The following PNOC variants were observed in gnomAD, a reference collection of about 807,000 sequenced individuals.
PNOC encodes the protein nociceptin.
Under a neutral mutation model 15.6 loss-of-function variants are expected in PNOC, and 10 were observed. The observed-to-expected ratio is 0.64, with a 90% CI of 0.40 to 1.09. The LOEUF is 1.09. Among genes scored for constraint, PNOC ranks in the 50% least tolerant of loss-of-function variants. The pLI, the probability that PNOC is intolerant of heterozygous loss-of-function variation, is 0.01. For missense variants in PNOC, 220 were observed against 223.9 expected (o/e 0.98, Z 0.11); for synonymous variants, 98 against 88.5 (o/e 1.11, Z -0.60).
rs1801470002 is a variant in PNOC, at chr8:28,339,265, G to T, written c.352G>T (p.Ala118Ser). The T allele has an allele frequency of 3.1e-6, 5 of 1,608,502 alleles. No homozygotes were observed. The highest frequency in any genetic ancestry group is 8.5e-7 in the Non-Finnish European group (1 of 1,175,348). The change falls in exon 3 of 4, where the codon GCT becomes TCT. Residue 118 changes from alanine to serine, a missense_variant. By Grantham distance (99) the Ala-to-Ser change is moderately conservative. Transcript: ENST00000301908. Reference protein sequence around the residue: ...QEEPEPGMEEAGEMEQKQLQK... With the variant: ...QEEPEPGMEESGEMEQKQLQK... ...AGAGCCCGAGCCTGGCATGGAGGAG[G>T]CTGGTGAGATGGAGCAGAAGCAGCT...
intron 1 of PNOC, among the ~76,000 whole-genome samples, chr8:28,322,205 G>A (rs547015747): frequency 3.9e-4 from 59 of 152,074 alleles, no homozygotes; most frequent in African/African-American, 1.2e-3. Context: ...ACTGACCAAC[G>A]TGGTGAAACC....
chr8:28,342,578 G>T (rs1801541724), intron 3 of PNOC, among the ~76,000 whole-genome samples: 1 of 152,114 alleles, frequency 6.6e-6, no homozygotes, highest in African/African-American at 2.4e-5. Flanking sequence ...TTCGTGGTCA[G>T]GTTATCAGTG....
intron 2 of PNOC, among the ~76,000 whole-genome samples, chr8:28,330,381 A>ATT (rs1801302142): frequency 1.6e-5 from 1 of 62,852 alleles, no homozygotes; most frequent in African/African-American, 4.4e-5. Context: ...ATTTTATTTT[A>ATT]TTTTATTTTA....
chr8:28,337,354 G>A (rs1801428070), intron 2 of PNOC, among the ~76,000 whole-genome samples: 1 of 152,178 alleles, frequency 6.6e-6, no homozygotes. Context: ...CCAGGCTGGA[G>A]TGCAGTGACA....
At chr8:28,325,912 G>T (rs1332035839) in intron 1 of PNOC, among the ~76,000 whole-genome samples, 3 of 152,176 alleles carry the variant, frequency 2.0e-5, no homozygotes, top group Non-Finnish European at 4.4e-5. Context: ...GACTAATTAG[G>T]AGGCTATTAC....
intron 2 of PNOC, among the ~76,000 whole-genome samples, chr8:28,338,435 G>C (rs1002008762): frequency 6.6e-6 from 1 of 152,084 alleles, no homozygotes; most frequent in East Asian, 1.9e-4. Flanking sequence ...GTTCAGCCCC[G>C]CACGTCCAGC....
chr8:28,324,570 T>C (rs1370766767), intron 1 of PNOC, among the ~76,000 whole-genome samples: 1 of 152,176 alleles, frequency 6.6e-6, no homozygotes, highest in Non-Finnish European at 1.5e-5. Context: ...CTTAGTAGAA[T>C]GAGAAATGTA....
chr8:28,340,597 A>G (rs937530238), intron 3 of PNOC, among the ~76,000 whole-genome samples: 6 of 152,230 alleles, frequency 3.9e-5, no homozygotes, highest in African/African-American at 1.4e-4. Context: ...TGCCATATTC[A>G]TCCATTTTGC....
intron 2 of PNOC, among the ~76,000 whole-genome samples, chr8:28,334,242 T>G: frequency 6.6e-6 from 1 of 152,196 alleles, no homozygotes; most frequent in East Asian, 1.9e-4. Context: ...GCTGGTTTTC[T>G]TCCAAGTATT....
At chr8:28,331,970 A>T (rs182583213) in intron 2 of PNOC, among the ~76,000 whole-genome samples, 1 of 152,378 alleles carries the variant, frequency 6.6e-6, no homozygotes, top group Admixed American at 6.5e-5. Context: ...CATCTGCTGC[A>T]GTCTCTGTAA....
At chr8:28,331,875 T>C (rs1283747237) in intron 2 of PNOC, among the ~76,000 whole-genome samples, 2 of 152,202 alleles carry the variant, frequency 1.3e-5, no homozygotes, top group Non-Finnish European at 2.9e-5. Context: ...CTCAGCACAG[T>C]GTGTGGCACA....
intron 2 of PNOC, among the ~76,000 whole-genome samples, chr8:28,337,308 T>C (rs906673821): frequency 1.5e-5 from 2 of 129,466 alleles, no homozygotes; most frequent in Non-Finnish European, 3.8e-5. Flanking sequence ...CCCGATCACC[T>C]TTTTTTTCTT....
Position 28,330,396 on chromosome 8 carries a change from A to ATT in PNOC, c.126+1128_126+1129dup, listed in dbSNP as rs67554549. Among the ~76,000 whole-genome samples, 104 of 80,454 alleles carry ATT rather than the reference A, an allele frequency of 1.3e-3. 2 individuals carry two copies. Among genetic ancestry groups the ATT allele is most frequent in the East Asian group, 4.6e-3 (15 of 3,234 alleles). The allele number at this position is 80,454 out of a possible 152,430, so 52.8% of individuals were successfully genotyped here. Reference sequence around the variant, plus strand: ...ATTTTATTTTATTTTATTTTATTTTATTTTTTTTTTTTTTTTGAGACGGAG... The same window carrying ATT: ...ATTTTATTTTATTTTATTTTATTTTATTTTTTTTTTTTTTTTTTGAGACGGAG... On this transcript the variant is annotated intron_variant, in intron 2 of 3. Transcript: ENST00000301908.
intron 1 of PNOC, among the ~76,000 whole-genome samples, chr8:28,317,699 G>A (rs1801081849): frequency 6.6e-6 from 1 of 152,120 alleles, no homozygotes; most frequent in Admixed American, 6.5e-5. Flanking sequence ...CTTCCACGGG[G>A]CGGCCCCCAG....
intron 2 of PNOC, among the ~76,000 whole-genome samples, chr8:28,330,391 A>ATTTTTTTTTTTTTTT (rs200641227): frequency 1.3e-5 from 1 of 76,120 alleles, no homozygotes; most frequent in Non-Finnish European, 2.9e-5. Flanking sequence ...ATTTTATTTT[A>ATTTTTTTTTTTTTTT]TTTTATTTTT....
Position 28,324,454 on chromosome 8 carries a change from C to A in PNOC, c.-23-4681C>A, listed in dbSNP as rs912122603. On this transcript the variant is annotated intron_variant, in intron 1 of 3. Transcript: ENST00000301908. ...AAAGGAAACGGCTCCTTTTCTCCTC[C>A]CTTCCCTTTCTTCTGCGACGTATAG... Among the ~76,000 whole-genome samples, 5 of 152,218 alleles carry A rather than the reference C, an allele frequency of 3.3e-5. No homozygotes were observed. In the South Asian group the frequency reaches 1.0e-3, roughly 31 times the overall value.
At chr8:28,317,538 C>G (rs886148702) in intron 1 of PNOC, among the ~76,000 whole-genome samples, 15 of 152,130 alleles carry the variant, frequency 9.9e-5, no homozygotes, top group Non-Finnish European at 1.5e-5. Context: ...TAACCTCAGA[C>G]AGACGCAGAA....
In PNOC at chr8:28,341,058, C is replaced by G. The variant is rs375100214; in HGVS notation, c.*47+1567C>G. Among the ~76,000 whole-genome samples the G allele has an allele frequency of 2.6e-5, 4 of 152,286 alleles. No individual in the cohort carries two copies. In the South Asian group the frequency reaches 8.3e-4, roughly 32 times the overall value. ...CCCAAGTGGGGCTTTTCCCTGAGTC[C>G]GAGCATAAGAGAAAAATGTCTGCAT... On this transcript the variant is annotated intron_variant, in intron 3 of 3. Transcript: ENST00000301908.
chr8:28,331,039 T>C (rs1384377561), intron 2 of PNOC, among the ~76,000 whole-genome samples: 1 of 152,126 alleles, frequency 6.6e-6, no homozygotes, highest in Admixed American at 6.5e-5. Flanking sequence ...GCAGGGGGAC[T>C]AACACACCCT....
Sources: gnomAD v4.1 joint callset for allele counts (sites outside exome capture counted in the v4.1 genomes callset) on GRCh38, gnomAD v4.1.1 for gene constraint, MANE v1.5 for transcripts, NCBI Gene and HGNC (gene_info 2026-07-23, HGNC 2026-07-21) for gene names.